Variants in PRKAB1 observed in about 807,000 individuals in gnomAD.
PRKAB1 encodes the protein protein kinase AMP-activated non-catalytic subunit beta 1.
In PRKAB1, 18 loss-of-function variants were observed where a neutral mutation model predicts 32.0. That is an observed-to-expected ratio of 0.56 (90% CI 0.39 to 0.83). PRKAB1 has a LOEUF of 0.83. Ranked by LOEUF, PRKAB1 falls within the 40% of genes least tolerant of loss-of-function variation. The pLI, the probability that PRKAB1 is intolerant of heterozygous loss-of-function variation, is 0.00. For missense variants in PRKAB1, 263 were observed against 352.6 expected (o/e 0.75, Z 2.03); for synonymous variants, 141 against 141.4 (o/e 1.00, Z 0.02).
At chr12:119,680,218 G>A (rs1417471503) in intron 6 of PRKAB1, 30 bp from the exon 7 acceptor site, 1 of 1,605,416 alleles carries the variant, frequency 6.2e-7, no homozygotes, top group Non-Finnish European at 8.5e-7. Context: ...CCTTAGTCCA[G>A]CCTTTGATCA....
rs976253909 is a variant in PRKAB1 at position 119,679,616 on chromosome 12, A to C, written c.667-317A>C. ...TCCTGTGTTCTCTGAAAGTGCTGTT[A>C]ATAGCTGCTTTCTTCCTGCCCCACC... On this transcript the variant is annotated intron_variant, in intron 5 of 6. Transcript: ENST00000229328. This position sits in a 1 kb window ranked among gnomAD's most constrained non-coding sequence, Gnocchi z 4.1. 5.3e-6 allele frequency: 2 copies of C among 378,508 alleles called. No homozygotes were observed. Among genetic ancestry groups the C allele is most frequent in the African/African-American group, 4.2e-5 (2 of 48,014 alleles). The allele number at this position is 378,508 out of a possible 1,614,324, so 23.4% of individuals were successfully genotyped here. A position where few individuals can be genotyped will look rare whatever the true frequency, so the allele number is the denominator to read the frequency against.
chr12:119,680,643 C>A lies in PRKAB1; in HGVS notation c.*318C>A, dbSNP rs747060691. The A allele has an allele frequency of 3.4e-6, 1 of 296,034 alleles. No homozygotes were observed. Among genetic ancestry groups the A allele is most frequent in the Non-Finnish European group, 6.3e-6 (1 of 158,514 alleles). The allele number at this position is 296,034 out of a possible 1,614,324, so 18.3% of individuals were successfully genotyped here. On this transcript the variant is annotated 3_prime_UTR_variant, in exon 7 of 7. Coordinates refer to ENST00000229328, the MANE Select transcript of PRKAB1 (RefSeq NM_006253.5). Reference sequence around the variant, plus strand: ...GAGGCTGGGTGCAGTTCTAAACCTACATTCTCGATTTTTCTTAAGCCAAAA... The same window carrying A: ...GAGGCTGGGTGCAGTTCTAAACCTAAATTCTCGATTTTTCTTAAGCCAAAA...
chr12:119,669,125 A>C (rs550520713), intron 1 of PRKAB1, among the ~76,000 whole-genome samples: 1 of 150,508 alleles, frequency 6.6e-6, no homozygotes, highest in Non-Finnish European at 1.5e-5. Flanking sequence ...TCAAAAAAAA[A>C]ATATAAATAA....
At chr12:119,670,843 A>C (rs1157717294) in intron 1 of PRKAB1, among the ~76,000 whole-genome samples, 1 of 152,208 alleles carries the variant, frequency 6.6e-6, no homozygotes, top group African/African-American at 2.4e-5. Context: ...TTTAATATGT[A>C]GATCTTGTTA....
At chr12:119,678,054 G>A (rs1018147115) in intron 5 of PRKAB1, 9 of 152,194 alleles carry the variant, frequency 5.9e-5, no homozygotes, top group African/African-American at 1.7e-4. Flanking sequence ...GTGAACCACC[G>A]TGCCTGGCCA....
intron 1 of PRKAB1, among the ~76,000 whole-genome samples, chr12:119,671,136 C>T (rs1955385301): frequency 6.6e-6 from 1 of 152,196 alleles, no homozygotes; most frequent in Admixed American, 6.5e-5. Flanking sequence ...CAGTCTTTGT[C>T]TTGCTTTATT....
chr12:119,674,173 C>A lies in PRKAB1; in HGVS notation c.417+116C>A. 9.2e-7 allele frequency: 1 copy of A among 1,082,466 alleles called. No homozygotes were observed. Among genetic ancestry groups the A allele is most frequent in the East Asian group, 2.4e-5 (1 of 41,178 alleles). The allele number at this position is 1,082,466 out of a possible 1,614,324, so 67.1% of individuals were successfully genotyped here. On this transcript the variant is annotated intron_variant, in intron 3 of 6. Transcript: ENST00000229328. This position sits in a 1 kb window ranked among gnomAD's most constrained non-coding sequence, Gnocchi z 4.3. ...AGCTAGTAAAAGTCCCCGTGTGTGG[C>A]AGAGCTGAGTAGCAGCACTACCTGT...
At chr12:119,670,171 A>AT (rs1955377192) in intron 1 of PRKAB1, among the ~76,000 whole-genome samples, 1 of 152,218 alleles carries the variant, frequency 6.6e-6, no homozygotes, top group Non-Finnish European at 1.5e-5. Context: ...ACACTTAGTG[A>AT]TTCTGGCAGC....
chr12:119,675,915 A>T (rs1955420889), intron 4 of PRKAB1, among the ~76,000 whole-genome samples: 1 of 152,302 alleles, frequency 6.6e-6, no homozygotes, highest in East Asian at 1.9e-4. Flanking sequence ...AGCATTATGA[A>T]ATCCTGCTCT....
At chr12:119,671,209 A>G (rs278143) in intron 1 of PRKAB1, among the ~76,000 whole-genome samples, 48,177 of 152,036 alleles carry the variant, frequency 0.32, 8,114 homozygotes, top group African/African-American at 0.39. Context: ...GGATTTGCCT[A>G]TTTTCAAGTT....
At position 119,674,131 on chromosome 12, in the gene PRKAB1, G is replaced by C. The variant is rs556459293; in HGVS notation, c.417+74G>C. The C allele has an allele frequency of 4.3e-6, 6 of 1,404,846 alleles. No individual in the cohort carries two copies. Among genetic ancestry groups the C allele is most frequent in the Non-Finnish European group, 5.0e-6 (5 of 1,005,194 alleles). The allele number at this position is 1,404,846 out of a possible 1,614,324, so 87.0% of individuals were successfully genotyped here. A position where few individuals can be genotyped will look rare whatever the true frequency, so the allele number is the denominator to read the frequency against. ...CAAATCACCTTCCCAAGAGATTGCC[G>C]CTAGGTCCCTTTGCCCAGCTAGTAA... On this transcript the variant is annotated intron_variant, in intron 3 of 6. Transcript: ENST00000229328. This position sits in a 1 kb window ranked among gnomAD's most constrained non-coding sequence, Gnocchi z 4.3.
chr12:119,672,880 C>A (rs1221352480), intron 2 of PRKAB1, among the ~76,000 whole-genome samples: 2 of 152,150 alleles, frequency 1.3e-5, no homozygotes, highest in African/African-American at 4.8e-5. Flanking sequence ...GAATATTGGA[C>A]CAGATCATCT....
rs1401096397 is a variant in PRKAB1, at chr12:119,674,611, G to C, written c.532+157G>C. 6.6e-6 allele frequency among the ~76,000 whole-genome samples: 1 copy of C among 152,212 alleles called. No individual in the cohort carries two copies. Among genetic ancestry groups the C allele is most frequent in the African/African-American group, 2.4e-5 (1 of 41,460 alleles). ...GGCCACAGAACTTAATTCCTGTCAG[G>C]TTGTTGAAATTTAGCCCTAAGGGAG... On this transcript the variant is annotated intron_variant, in intron 4 of 6. Coordinates refer to ENST00000229328, the MANE Select transcript of PRKAB1 (RefSeq NM_006253.5). The surrounding 1 kb of genome is among the most constrained non-coding windows in gnomAD (Gnocchi z 4.3).
chr12:119,670,992 G>A (rs1955384101), intron 1 of PRKAB1, among the ~76,000 whole-genome samples: 1 of 152,158 alleles, frequency 6.6e-6, no homozygotes, highest in Non-Finnish European at 1.5e-5. Context: ...GCTTCTGACT[G>A]GGAAAAAATC....
In PRKAB1 at chr12:119,672,221, C is replaced by T. The variant is rs567111235; in HGVS notation, c.160-80C>T. 10 of 1,362,888 alleles carry T rather than the reference C, an allele frequency of 7.3e-6. No individual in the cohort carries two copies. In the South Asian group the frequency reaches 1.3e-4, roughly 17 times the overall value. 84.4% of individuals were successfully genotyped at this position (1,362,888 alleles called of 1,614,324 possible). ...CCATGAACCAAGATAGTAACAGCTG[C>T]GTCTTTAGAATGAATTGTCAATATT... On this transcript the variant is annotated intron_variant, in intron 1 of 6. Coordinates refer to ENST00000229328, the MANE Select transcript of PRKAB1 (RefSeq NM_006253.5).
chr12:119,671,387 C>A, intron 1 of PRKAB1: 1 of 293,738 alleles, frequency 3.4e-6, no homozygotes, highest in Non-Finnish European at 7.0e-6. Context: ...TGTAGAAATA[C>A]CCGAGACTGG....
chr12:119,674,113 C>T lies in PRKAB1; in HGVS notation c.417+56C>T, dbSNP rs1187264000. 4.0e-6 allele frequency: 6 copies of T among 1,518,282 alleles called. No individual in the cohort carries two copies. The African/African-American group carries it at 8.3e-5, about 21-fold the overall frequency. The allele number at this position is 1,518,282 out of a possible 1,614,324, so 94.1% of individuals were successfully genotyped here. A position where few individuals can be genotyped will look rare whatever the true frequency, so the allele number is the denominator to read the frequency against. ...GTGCCCGCACATTCCAAACAAATCA[C>T]CTTCCCAAGAGATTGCCGCTAGGTC... On this transcript the variant is annotated intron_variant, in intron 3 of 6. Transcript: ENST00000229328. The surrounding 1 kb of genome is among the most constrained non-coding windows in gnomAD (Gnocchi z 4.3).
upstream of PRKAB1, chr12:119,668,126 G>T: frequency 8.0e-7 from 1 of 1,243,844 alleles, no homozygotes; most frequent in African/African-American, 1.6e-5. Context: ...TGGTGTCCTG[G>T]TGCTCCGACT....
chr12:119,673,946 CT>C lies in PRKAB1; in HGVS notation c.324-16del. 6.2e-7 allele frequency: 1 copy of C among 1,608,582 alleles called. No individual in the cohort carries two copies. Among genetic ancestry groups the C allele is most frequent in the East Asian group, 2.2e-5 (1 of 44,820 alleles). On this transcript the variant is annotated splice_polypyrimidine_tract_variant and intron_variant, in intron 2 of 6. Coordinates refer to ENST00000229328, the MANE Select transcript of PRKAB1 (RefSeq NM_006253.5). ...CAGCCCACCCCACGGAAGTCCTCTG[CT>C]TCCTTTTTCCTTGCAGCCACAATAA... is the stretch of plus-strand genomic sequence containing the variant.
Sources: gnomAD v4.1 joint callset for allele counts (sites outside exome capture counted in the v4.1 genomes callset) on GRCh38, gnomAD v4.1.1 for gene constraint, Gnocchi (gnomAD v3.1) non-coding constraint, MANE v1.5 for transcripts, NCBI Gene and HGNC (gene_info 2026-07-23, HGNC 2026-07-21) for gene names.